The following PRDM16 variants were observed in gnomAD, a reference collection of about 807,000 sequenced individuals.
The protein encoded by PRDM16 is histone-lysine N-methyltransferase PRDM16.
A neutral mutation model predicts 110.6 loss-of-function variants in PRDM16; 23 were observed. That is an observed-to-expected ratio of 0.21 (90% CI 0.15 to 0.29). The LOEUF (loss-of-function observed/expected upper bound fraction) is 0.29. Ranked by LOEUF, PRDM16 falls within the 10% of genes least tolerant of loss-of-function variation. The pLI is 1.00. For missense variants in PRDM16, 1,615 were observed against 1,794.3 expected (o/e 0.90, Z 1.81); for synonymous variants, 799 against 781.8 (o/e 1.02, Z -0.37).
chr1:3,434,170 G>A lies in PRDM16; in HGVS notation c.*359G>A, dbSNP rs553854601. 7 of 317,470 alleles carry A rather than the reference G, an allele frequency of 2.2e-5. No homozygotes were observed. Among genetic ancestry groups the A allele is most frequent in the South Asian group, 6.6e-5 (1 of 15,052 alleles). 19.7% of individuals were successfully genotyped at this position (317,470 alleles called of 1,614,324 possible). On this transcript the variant is annotated 3_prime_UTR_variant, in exon 17 of 17. Transcript: ENST00000270722. ...CTGCCGGGTGCCCGCGTGGGGTCGC[G>A]GAAGGGAATGGATAGACTGGTGTGC...
At chr1:3,171,171 G>A (rs1045900170) in intron 1 of PRDM16, among the ~76,000 whole-genome samples, 9 of 152,352 alleles carry the variant, frequency 5.9e-5, no homozygotes, top group Non-Finnish European at 1.2e-4. Context: ...TACTTGCGGC[G>A]TGACTTGCTC....
In PRDM16 at chr1:3,208,314, C is replaced by G. The variant is rs537238455; in HGVS notation, c.387+21840C>G. On this transcript the variant is annotated intron_variant, in intron 2 of 16. Coordinates refer to ENST00000270722, the MANE Select transcript of PRDM16 (RefSeq NM_022114.4). This position sits in a 1 kb window ranked among gnomAD's most constrained non-coding sequence, Gnocchi z 6.1. Reference sequence around the variant, plus strand: ...TCACGTGCGGGCAGCGATTCTCTGGCCCTGCACTGTAGGGTGTTTAGTGTG... The same window carrying G: ...TCACGTGCGGGCAGCGATTCTCTGGGCCTGCACTGTAGGGTGTTTAGTGTG... 1.3e-5 allele frequency: 2 copies of G among 152,178 alleles called. No homozygotes were observed. The highest frequency in any genetic ancestry group is 1.3e-4 in the Admixed American group (2 of 15,270). The allele number at this position is 152,178 out of a possible 1,614,324, so 9.4% of individuals were successfully genotyped here. A position where few individuals can be genotyped will look rare whatever the true frequency, so the allele number is the denominator to read the frequency against.
At position 3,244,175 on chromosome 1, in the gene PRDM16, C is replaced by G. The variant is rs373475171; in HGVS notation, c.438+38C>G. 3 of 1,602,664 alleles carry G rather than the reference C, an allele frequency of 1.9e-6. No individual in the cohort carries two copies. The African/African-American group carries it at 4.0e-5, about 21-fold the overall frequency. On this transcript the variant is annotated intron_variant, in intron 3 of 16. Transcript: ENST00000270722. This position sits in a 1 kb window ranked among gnomAD's most constrained non-coding sequence, Gnocchi z 4.1. ...GCCCTGCGCCGTCTCAGCTCCCCAG[C>G]GTCCTCGGAGCTCCTGGCGGGGCGA...
chr1:3,399,611 A>C (rs1355641074), intron 5 of PRDM16, among the ~76,000 whole-genome samples: 1 of 152,194 alleles, frequency 6.6e-6, no homozygotes, highest in Non-Finnish European at 1.5e-5. Context: ...TGGTCACTGA[A>C]GTCGGCTCCA....
At chr1:3,262,703 G>A (rs1184141866) in intron 3 of PRDM16, among the ~76,000 whole-genome samples, 8 of 152,248 alleles carry the variant, frequency 5.3e-5, no homozygotes, top group Non-Finnish European at 8.8e-5. Flanking sequence ...TTTAGTGGGG[G>A]AGGCAGTTCA....
intron 1 of PRDM16, among the ~76,000 whole-genome samples, chr1:3,181,019 T>C (rs367561812): frequency 0.088 from 9,962 of 112,738 alleles, 545 homozygotes; most frequent in South Asian, 0.12. Flanking sequence ...GTCTTACAAA[T>C]GCGGTCTTAC....
chr1:3,251,291 G>C (rs572760354), intron 3 of PRDM16, among the ~76,000 whole-genome samples: 2 of 114,852 alleles, frequency 1.7e-5, no homozygotes, highest in Admixed American at 1.9e-4. Flanking sequence ...TGAGTCTCAC[G>C]TGCTGCGTGG....
intron 1 of PRDM16, among the ~76,000 whole-genome samples, chr1:3,184,141 C>T (rs939475270): frequency 1.3e-5 from 2 of 152,064 alleles, no homozygotes; most frequent in Non-Finnish European, 2.9e-5. Flanking sequence ...AAGGATCCGC[C>T]GCGTCAATTA....
chr1:3,129,399 G>A (rs1643287533), intron 1 of PRDM16, among the ~76,000 whole-genome samples: 1 of 151,456 alleles, frequency 6.6e-6, no homozygotes, highest in Non-Finnish European at 1.5e-5. Flanking sequence ...GTGTGTGTGT[G>A]TCCTGCCTGG....
chr1:3,334,048 A>G (rs1173346044), intron 3 of PRDM16, among the ~76,000 whole-genome samples: 1 of 152,234 alleles, frequency 6.6e-6, no homozygotes, highest in Non-Finnish European at 1.5e-5. Flanking sequence ...GGCATAACAC[A>G]CGTAAAGTGC....
At chr1:3,394,507 G>A in intron 4 of PRDM16, 1 of 432,222 alleles carries the variant, frequency 2.3e-6, no homozygotes, top group African/African-American at 2.1e-5. Context: ...GGGTGGGGTG[G>A]GTGGTGCGGC....
At chr1:3,102,003 A>C (rs1642544219) in intron 1 of PRDM16, among the ~76,000 whole-genome samples, 1 of 152,190 alleles carries the variant, frequency 6.6e-6, no homozygotes, top group South Asian at 2.1e-4. Flanking sequence ...CAACATTCTC[A>C]GCAACAGGAC....
intron 14 of PRDM16, among the ~76,000 whole-genome samples, chr1:3,429,051 A>G (rs1185350690): frequency 6.6e-6 from 1 of 152,260 alleles, no homozygotes; most frequent in African/African-American, 2.4e-5. Flanking sequence ...GGAGGGCCGA[A>G]GAGTGCCAAG....
chr1:3,240,169 C>T (rs929753474), intron 2 of PRDM16, among the ~76,000 whole-genome samples: 1 of 151,628 alleles, frequency 6.6e-6, no homozygotes, highest in African/African-American at 2.4e-5. Context: ...CATGATGGCT[C>T]ACATCTATAA....
rs960112302 is a variant in PRDM16, at chr1:3,437,101, G to C, written c.*3290G>C. The C allele has an allele frequency of 4.3e-6, 1 of 232,422 alleles. No homozygotes were observed. Among genetic ancestry groups the C allele is most frequent in the Non-Finnish European group, 8.5e-6 (1 of 117,652 alleles). 14.4% of individuals were successfully genotyped at this position (232,422 alleles called of 1,614,324 possible). A position where few individuals can be genotyped will look rare whatever the true frequency, so the allele number is the denominator to read the frequency against. On this transcript the variant is annotated 3_prime_UTR_variant, in exon 17 of 17. Transcript: ENST00000270722. Reference sequence around the variant, plus strand: ...CCAAGATATCACTGACTTCAACCCAGAGGATCGAGCCCCTGCACCCTGCCT... The same window carrying C: ...CCAAGATATCACTGACTTCAACCCACAGGATCGAGCCCCTGCACCCTGCCT...
At chr1:3,197,409 C>G (rs1426449119) in intron 2 of PRDM16, among the ~76,000 whole-genome samples, 1 of 152,172 alleles carries the variant, frequency 6.6e-6, no homozygotes, top group African/African-American at 2.4e-5. Flanking sequence ...TTGGGTGATC[C>G]TACAGCCTTG....
chr1:3,311,823 C>T (rs1165705357), intron 3 of PRDM16, among the ~76,000 whole-genome samples: 2 of 152,222 alleles, frequency 1.3e-5, no homozygotes, highest in Admixed American at 6.5e-5. Flanking sequence ...ACAGCCCTGC[C>T]TCCCAGATAG....
chr1:3,396,499 TA>T lies in PRDM16; in HGVS notation c.585del (p.Val196SerfsTer15). The T allele has an allele frequency of 6.3e-7, 1 of 1,581,340 alleles. No homozygotes were observed. The highest frequency in any genetic ancestry group is 8.6e-7 in the Non-Finnish European group (1 of 1,156,250). ...MCQISEQIYYKVIKDIEPGEE... is the reference protein window; with the variant it reads ...MCQISEQIYYXVIKDIEPGEE... ...TGGTCTCTCCATCCTAGATTTACTA[TA>T]AAGTCATTAAGGACATTGAGCCAGG... is the stretch of plus-strand genomic sequence containing the variant. On this transcript the variant is annotated frameshift_variant, in exon 5 of 17. Transcript: ENST00000270722. LOFTEE classifies it high-confidence loss of function.
At chr1:3,418,043 A>G in intron 11 of PRDM16, 46 bp downstream of exon 11, 1 of 1,528,776 alleles carries the variant, frequency 6.5e-7, no homozygotes. Context: ...GCGGGGCTCG[A>G]GTGCCACACC....
Sources: gnomAD v4.1 joint callset for allele counts (sites outside exome capture counted in the v4.1 genomes callset) on GRCh38, gnomAD v4.1.1 for gene constraint, Gnocchi (gnomAD v3.1) non-coding constraint, MANE v1.5 for transcripts, NCBI Gene and HGNC (gene_info 2026-07-23, HGNC 2026-07-21) for gene names.